Variants in BRF1 observed in about 807,000 individuals in gnomAD.
The protein encoded by BRF1 is transcription factor IIIB 90 kDa subunit.
In BRF1, 59 loss-of-function variants were observed where a neutral mutation model predicts 81.7. The ratio of observed to expected loss-of-function variants is 0.72; its 90% confidence interval spans 0.59 to 0.90. The LOEUF (loss-of-function observed/expected upper bound fraction) is 0.90. Among genes scored for constraint, BRF1 ranks in the 40% least tolerant of loss-of-function variants. The pLI is 0.00. For synonymous variants in BRF1, 491 were observed against 395.6 expected, an observed-to-expected ratio of 1.24 and a Z score of -2.86; for missense variants, 1,050 against 936.3, an observed-to-expected ratio of 1.12 and a Z score of -1.58.
At chr14:105,296,982 AC>A (rs1456102056) in intron 1 of BRF1, among the ~76,000 whole-genome samples, 6 of 151,638 alleles carry the variant, frequency 4.0e-5, no homozygotes, top group South Asian at 2.1e-4. Context: ...ACATGGTGAA[AC>A]CCTGTCTCTA....
At chr14:105,286,694 C>T (rs944480029) in intron 1 of BRF1, among the ~76,000 whole-genome samples, 6 of 152,222 alleles carry the variant, frequency 3.9e-5, no homozygotes, top group African/African-American at 1.2e-4. Context: ...CAAGCTCCGC[C>T]TCCTGGGTTC....
In BRF1 at chr14:105,226,658, C is replaced by A. The variant is rs375133276; in HGVS notation, c.891G>T (p.Gly297=). The A allele has an allele frequency of 1.2e-5, 20 of 1,613,304 alleles. No individual in the cohort carries two copies. Among genetic ancestry groups the A allele is most frequent in the Non-Finnish European group, 1.6e-5 (19 of 1,180,032 alleles). Residue 297 remains glycine (G), a synonymous_variant, in exon 8 of 18, where the codon GGG becomes GGT. Coordinates refer to ENST00000547530, the MANE Select transcript of BRF1 (RefSeq NM_001519.4). ...EECDPPSYTA[G]QRKLRMKQLE... is the part of the protein sequence containing the mutation. ...CCTGCTTCATCCGCAGCTTCCTCTGCCCAGCTGTGTACGAGGGGGGGTCGC... is the reference window on the plus strand; with the variant it reads ...CCTGCTTCATCCGCAGCTTCCTCTGACCAGCTGTGTACGAGGGGGGGTCGC...
In BRF1 at chr14:105,269,833, G is replaced by A. The variant is rs587718533; in HGVS notation, c.439+2888C>T. Among the ~76,000 whole-genome samples the A allele has an allele frequency of 1.1e-4, 17 of 152,280 alleles. No individual in the cohort carries two copies. The highest frequency in any genetic ancestry group is 4.1e-4 in the African/African-American group (17 of 41,552). ...TTGCTGACGCTGGGGTCCCAGTGCC[G>A]GCCTGCACCCTAGGCCCTGCTCCAC... is the stretch of plus-strand genomic sequence containing the variant. On this transcript the variant is annotated intron_variant, in intron 3 of 17. Coordinates refer to ENST00000547530, the MANE Select transcript of BRF1 (RefSeq NM_001519.4). The surrounding 1 kb of genome is among the most constrained non-coding windows in gnomAD (Gnocchi z 5.0).
intron 14 of BRF1, among the ~76,000 whole-genome samples, chr14:105,218,670 C>T (rs138627798): frequency 2.6e-5 from 4 of 152,360 alleles, no homozygotes; most frequent in Non-Finnish European, 4.4e-5. Flanking sequence ...CCCAGGGCGT[C>T]AGAAGAGCAA....
intron 1 of BRF1, among the ~76,000 whole-genome samples, chr14:105,312,439 T>C (rs966431119): frequency 6.6e-6 from 1 of 152,222 alleles, no homozygotes; most frequent in Non-Finnish European, 1.5e-5. Context: ...ATCCTCTTCT[T>C]GGACCTCCTC....
intron 5 of BRF1, chr14:105,247,888 A>G: frequency 1.0e-6 from 1 of 985,494 alleles, no homozygotes. Flanking sequence ...CATGCCACGC[A>G]CCTCCCAGGA....
At chr14:105,275,687 GGCACCA>G (rs1194355229) in intron 2 of BRF1, among the ~76,000 whole-genome samples, 1 of 152,240 alleles carries the variant, frequency 6.6e-6, no homozygotes, top group Non-Finnish European at 1.5e-5. Flanking sequence ...CGACCCCACA[GGCACCA>G]GCTCGTGTTC....
chr14:105,248,254 G>A (rs1310872078), intron 5 of BRF1: 2 of 985,330 alleles, frequency 2.0e-6, no homozygotes, highest in Admixed American at 6.1e-5. Flanking sequence ...ACAGGCCGCG[G>A]CCAGAGGCAG....
chr14:105,242,204 C>T (rs762281989), intron 5 of BRF1: 4 of 152,292 alleles, frequency 2.6e-5, no homozygotes, highest in Non-Finnish European at 5.9e-5. Context: ...GTCCCATTTA[C>T]CCTGATGTGA....
intron 5 of BRF1, chr14:105,248,582 C>T (rs1384154005): frequency 6.8e-5 from 10 of 147,658 alleles, no homozygotes; most frequent in Middle Eastern, 2.8e-3. Context: ...GGCGGGCGGG[C>T]GGGCGGGACG....
intron 5 of BRF1, among the ~76,000 whole-genome samples, chr14:105,243,252 A>G (rs1226321768): frequency 6.6e-6 from 1 of 150,888 alleles, no homozygotes; most frequent in Non-Finnish European, 1.5e-5. Flanking sequence ...ACCACCCTGG[A>G]CACCATAGTG....
At chr14:105,248,586 C>T (rs1477418914) in intron 5 of BRF1, 6 of 263,898 alleles carry the variant, frequency 2.3e-5, no homozygotes, top group South Asian at 1.7e-4. Flanking sequence ...GGCGGGCGGG[C>T]GGGACGGCGC....
chr14:105,298,899 A>G (rs2057854864), intron 1 of BRF1, among the ~76,000 whole-genome samples: 1 of 139,724 alleles, frequency 7.2e-6, no homozygotes, highest in Admixed American at 7.2e-5. Flanking sequence ...GGCCGTGCGC[A>G]GTGGCTCACG....
Position 105,269,815 on chromosome 14 carries a change from C to T in BRF1, c.439+2906G>A, listed in dbSNP as rs587681960. Reference sequence around the variant, plus strand: ...ACGTGGTTCCACCCCACCTTGCTGACGCTGGGGTCCCAGTGCCGGCCTGCA... The same window carrying T: ...ACGTGGTTCCACCCCACCTTGCTGATGCTGGGGTCCCAGTGCCGGCCTGCA... On this transcript the variant is annotated intron_variant, in intron 3 of 17. Coordinates refer to ENST00000547530, the MANE Select transcript of BRF1 (RefSeq NM_001519.4). This position sits in a 1 kb window ranked among gnomAD's most constrained non-coding sequence, Gnocchi z 5.0. 3.4e-4 allele frequency among the ~76,000 whole-genome samples: 52 copies of T among 152,294 alleles called. No homozygotes were observed. The highest frequency in any genetic ancestry group is 1.1e-3 in the African/African-American group (46 of 41,554).
At chr14:105,296,165 C>T (rs1165574371) in intron 1 of BRF1, among the ~76,000 whole-genome samples, 4 of 151,172 alleles carry the variant, frequency 2.6e-5, no homozygotes, top group Non-Finnish European at 5.9e-5. Context: ...GTAATCCCAG[C>T]ACTTTGGGAG....
At chr14:105,296,038 GCCACTGCACT>G (rs1297278682) in intron 1 of BRF1, among the ~76,000 whole-genome samples, 1 of 129,470 alleles carries the variant, frequency 7.7e-6, no homozygotes, top group Non-Finnish European at 1.6e-5. Flanking sequence ...CCCAGATTGC[GCCACTGCACT>G]CCAGCCTGGG....
At chr14:105,290,630 C>T (rs1001889818) in intron 1 of BRF1, among the ~76,000 whole-genome samples, 5 of 152,138 alleles carry the variant, frequency 3.3e-5, no homozygotes, top group Admixed American at 3.3e-4. Context: ...CTCCTTGACC[C>T]ATACCCATCA....
intron 1 of BRF1, among the ~76,000 whole-genome samples, chr14:105,289,456 A>G (rs977268639): frequency 6.6e-6 from 1 of 152,226 alleles, no homozygotes; most frequent in Non-Finnish European, 1.5e-5. Flanking sequence ...AGAATCCAGA[A>G]GAGAGGCCAG....
At chr14:105,260,957 G>C (rs1233210014) in intron 3 of BRF1, among the ~76,000 whole-genome samples, 2 of 152,230 alleles carry the variant, frequency 1.3e-5, no homozygotes, top group Non-Finnish European at 2.9e-5. Context: ...CCCAGCTAAT[G>C]AGCTCCCAGG....
Sources: allele counts gnomAD v4.1 joint callset (sites outside exome capture counted in the v4.1 genomes callset), GRCh38; gene constraint gnomAD v4.1.1; non-coding constraint Gnocchi (gnomAD v3.1); transcripts MANE v1.5; gene names NCBI Gene and HGNC (gene_info 2026-07-23, HGNC 2026-07-21).